Variants in ENAH observed in about 807,000 individuals in gnomAD.
The protein encoded by ENAH is ENAH actin regulator, also known as protein enabled homolog.
ENAH carries 23 observed loss-of-function variants against 78.7 expected under a neutral mutation model. That is an observed-to-expected ratio of 0.29 (90% confidence interval 0.21 to 0.41). The LOEUF (loss-of-function observed/expected upper bound fraction) is 0.41, where lower values mean the gene tolerates loss of function less well. Among genes scored for constraint, ENAH ranks in the 10% least tolerant of loss-of-function variants. The pLI, the probability that ENAH is intolerant of heterozygous loss-of-function variation, is 1.00. For synonymous variants in ENAH, 226 were observed against 241.0 expected (o/e 0.94, Z 0.58); for missense variants, 544 against 691.0 (o/e 0.79, Z 2.39).
chr1:225,578,671 C>T (rs1312359261), intron 1 of ENAH, among the ~76,000 whole-genome samples: 4 of 152,068 alleles, frequency 2.6e-5, no homozygotes, highest in South Asian at 2.1e-4. Flanking sequence ...ATAAAGCAAA[C>T]GTTACTTGGA....
At chr1:225,579,027 A>C (rs1004456991) in intron 1 of ENAH, among the ~76,000 whole-genome samples, 4 of 152,206 alleles carry the variant, frequency 2.6e-5, no homozygotes, top group African/African-American at 9.6e-5. Flanking sequence ...TGCCTTTATT[A>C]ATTCGCTTAT....
intron 3 of ENAH, among the ~76,000 whole-genome samples, chr1:225,547,097 A>T (rs2096618237): frequency 6.7e-6 from 1 of 150,032 alleles, no homozygotes; most frequent in African/African-American, 2.5e-5. Context: ...TTTGAGACGG[A>T]GTCTCACTCT....
At chr1:225,558,431 A>G (rs893790638) in intron 2 of ENAH, among the ~76,000 whole-genome samples, 8 of 152,062 alleles carry the variant, frequency 5.3e-5, no homozygotes, top group South Asian at 2.1e-4. Flanking sequence ...CTACATCTAC[A>G]TTTTCAAAAT....
intron 2 of ENAH, among the ~76,000 whole-genome samples, chr1:225,557,665 A>G (rs2151440741): frequency 6.6e-6 from 1 of 152,234 alleles, no homozygotes; most frequent in South Asian, 2.1e-4. Context: ...TACTAAAAAT[A>G]CAAAACTTAG....
intron 1 of ENAH, among the ~76,000 whole-genome samples, chr1:225,629,138 C>T (rs1295220845): frequency 6.6e-6 from 1 of 150,942 alleles, no homozygotes; most frequent in Non-Finnish European, 1.5e-5. Context: ...ATTAGATGGG[C>T]GTGGTGGACA....
chr1:225,545,229 A>G (rs531488453), intron 3 of ENAH, among the ~76,000 whole-genome samples: 2 of 152,352 alleles, frequency 1.3e-5, no homozygotes, highest in African/African-American at 4.8e-5. Context: ...AATCAAGCCC[A>G]TCTGACACAC....
At chr1:225,641,882 G>A (rs1311413336) in intron 1 of ENAH, among the ~76,000 whole-genome samples, 6 of 152,030 alleles carry the variant, frequency 3.9e-5, no homozygotes, top group Non-Finnish European at 7.4e-5. Context: ...TTACCTGGGC[G>A]TGGTCTCGTG....
At position 225,495,462 on chromosome 1, in the gene ENAH, T is replaced by TG. The variant is rs1439791180; in HGVS notation, c.*2312_*2313insC. 34 of 149,722 alleles carry TG rather than the reference T, an allele frequency of 2.3e-4. No homozygotes were observed. The highest frequency in any genetic ancestry group is 8.1e-4 in the African/African-American group (33 of 40,594). The allele number at this position is 149,722 out of a possible 1,614,324, so 9.3% of individuals were successfully genotyped here. A position where few individuals can be genotyped will look rare whatever the true frequency, so the allele number is the denominator to read the frequency against. ...ATAGCATGATTCAACACTGGTTTTT[T>TG]TTTTTTTTTTTTTTTGTCAGTTTAC... On this transcript the variant is annotated 3_prime_UTR_variant, in exon 14 of 14. Transcript: ENST00000366843.
At chr1:225,532,271 A>G (rs2096541699) in intron 3 of ENAH, among the ~76,000 whole-genome samples, 1 of 152,226 alleles carries the variant, frequency 6.6e-6, no homozygotes, top group Admixed American at 6.5e-5. Context: ...AGGTAGCATG[A>G]AATTATTTAG....
intron 4 of ENAH, among the ~76,000 whole-genome samples, chr1:225,528,267 CAAG>C (rs1460182310): frequency 3.9e-5 from 6 of 152,068 alleles, no homozygotes; most frequent in Admixed American, 1.3e-4. Flanking sequence ...ATTCAGAAAA[CAAG>C]AACATCAGTG....
rs1481198920 is a variant in ENAH at position 225,613,920 on chromosome 1, T to A, written c.5+38766A>T. 2.0e-5 allele frequency among the ~76,000 whole-genome samples: 3 copies of A among 152,320 alleles called. No individual in the cohort carries two copies. The East Asian group carries it at 5.8e-4, about 29-fold the overall frequency. On this transcript the variant is annotated intron_variant, in intron 1 of 13. Coordinates refer to ENST00000366843, the MANE Select transcript of ENAH (RefSeq NM_018212.6). ...ACCCCAACTTCTAATGCCAATCTCA[T>A]GCCCCAGGTTGTGACCTGTGCTTCT...
At chr1:225,640,446 A>T (rs1324338786) in intron 1 of ENAH, among the ~76,000 whole-genome samples, 5 of 152,178 alleles carry the variant, frequency 3.3e-5, no homozygotes, top group Non-Finnish European at 7.3e-5. Flanking sequence ...GAAAGTAAAG[A>T]CCCCCTAAAC....
intron 7 of ENAH, 85 bp downstream of exon 7, chr1:225,514,511 T>C (rs2151130971): frequency 4.5e-6 from 5 of 1,108,258 alleles, no homozygotes; most frequent in Non-Finnish European, 6.7e-6. Context: ...TAACATTTCA[T>C]AAAATTAGAA....
chr1:225,605,957 C>T (rs2096953468), intron 1 of ENAH, among the ~76,000 whole-genome samples: 1 of 152,194 alleles, frequency 6.6e-6, no homozygotes, highest in Non-Finnish European at 1.5e-5. Context: ...GGTATTTTGT[C>T]ATGGCAGCCC....
intron 7 of ENAH, among the ~76,000 whole-genome samples, chr1:225,513,617 T>C (rs2096393680): frequency 6.6e-6 from 1 of 152,198 alleles, no homozygotes; most frequent in Admixed American, 6.5e-5. Flanking sequence ...TAAATGTCCT[T>C]GTTCTTATAA....
intron 4 of ENAH, among the ~76,000 whole-genome samples, chr1:225,521,155 A>G (rs912903187): frequency 6.6e-6 from 1 of 152,158 alleles, no homozygotes; most frequent in Non-Finnish European, 1.5e-5. Context: ...CCACAGTCTA[A>G]GCAGTCTCCT....
At chr1:225,642,808 C>T (rs1229227596) in intron 1 of ENAH, among the ~76,000 whole-genome samples, 1 of 152,162 alleles carries the variant, frequency 6.6e-6, no homozygotes, top group African/African-American at 2.4e-5. Flanking sequence ...CATGAACAGA[C>T]ATCCACACAA....
chr1:225,647,080 G>C (rs1662111570), intron 1 of ENAH, among the ~76,000 whole-genome samples: 1 of 152,056 alleles, frequency 6.6e-6, no homozygotes, highest in Admixed American at 6.6e-5. Context: ...CAAAAAATTA[G>C]CTGGGCGTGG....
intron 1 of ENAH, among the ~76,000 whole-genome samples, chr1:225,637,469 A>G (rs1290094695): frequency 1.3e-5 from 2 of 152,120 alleles, no homozygotes; most frequent in African/African-American, 4.8e-5. Flanking sequence ...AGCCTCCCAA[A>G]GTGCTGGGAT....
Sources: allele counts gnomAD v4.1 joint callset (sites outside exome capture counted in the v4.1 genomes callset), GRCh38; gene constraint gnomAD v4.1.1; transcripts MANE v1.5; gene names NCBI Gene and HGNC (gene_info 2026-07-23, HGNC 2026-07-21).